NTRK3: variants seen among roughly 807,000 people sequenced by gnomAD.
NTRK3 encodes the protein neurotrophic receptor tyrosine kinase 3, also known as NT-3 growth factor receptor.
Under a neutral mutation model 91.7 loss-of-function variants are expected in NTRK3, and 24 were observed. That is an observed-to-expected ratio of 0.26 (90% confidence interval 0.19 to 0.37). NTRK3 has a LOEUF of 0.37. Among genes scored for constraint, NTRK3 ranks in the 10% least tolerant of loss-of-function variants. NTRK3 has a pLI of 1.00. For missense variants in NTRK3, 880 were observed against 1,068.9 expected (o/e 0.82, Z 2.46); for synonymous variants, 483 against 404.0 (o/e 1.20, Z -2.34).
At chr15:88,223,171 G>A (rs1278026603) in intron 3 of NTRK3, among the ~76,000 whole-genome samples, 1 of 152,236 alleles carries the variant, frequency 6.6e-6, no homozygotes, top group Non-Finnish European at 1.5e-5. Flanking sequence ...AACACCCCCA[G>A]CACACGGCCC....
At chr15:87,872,364 G>C in exon 19 of NTRK3, 1 of 224,444 alleles carries the variant, frequency 4.5e-6, no homozygotes, top group Non-Finnish European at 8.9e-6. Context: ...TTCCTGAATA[G>C]AAAAGGACTT....
intron 3 of NTRK3, among the ~76,000 whole-genome samples, chr15:88,242,096 C>T (rs1432869278): frequency 6.6e-6 from 1 of 152,192 alleles, no homozygotes; most frequent in Non-Finnish European, 1.5e-5. Flanking sequence ...GCCACCTGCG[C>T]ATGGACACAC....
intron 14 of NTRK3, among the ~76,000 whole-genome samples, chr15:88,031,763 G>A (rs764936615): frequency 6.6e-6 from 1 of 152,126 alleles, no homozygotes; most frequent in Non-Finnish European, 1.5e-5. Context: ...TGCCCACTCT[G>A]CTGTAGGATG....
chr15:88,045,897 G>T (rs982881307), intron 13 of NTRK3, among the ~76,000 whole-genome samples: 2 of 152,188 alleles, frequency 1.3e-5, no homozygotes, highest in Admixed American at 6.5e-5. Flanking sequence ...GATCAAGGGC[G>T]CACTCTATTC....
At chr15:88,031,509 T>C (rs746988821) in intron 14 of NTRK3, among the ~76,000 whole-genome samples, 1 of 152,202 alleles carries the variant, frequency 6.6e-6, no homozygotes, top group Admixed American at 6.5e-5. Flanking sequence ...GTGCTTCCCA[T>C]GGTTTATCTG....
intron 5 of NTRK3, 62 bp downstream of exon 5, chr15:88,183,356 G>A (rs998204448): frequency 2.0e-5 from 32 of 1,568,816 alleles, no homozygotes; most frequent in Admixed American, 5.0e-5. Flanking sequence ...CAGGTCTCCG[G>A]TTTCACTGCC....
chr15:88,004,308 T>G (rs2076332433), intron 14 of NTRK3, among the ~76,000 whole-genome samples: 1 of 152,090 alleles, frequency 6.6e-6, no homozygotes, highest in Non-Finnish European at 1.5e-5. Context: ...AAAACAAAAG[T>G]TATAAACTAT....
At chr15:88,005,141 C>T (rs1190820078) in intron 14 of NTRK3, among the ~76,000 whole-genome samples, 2 of 152,104 alleles carry the variant, frequency 1.3e-5, no homozygotes, top group Admixed American at 6.5e-5. Flanking sequence ...TCACTGGGAT[C>T]CATCCTCATT....
intron 17 of NTRK3, among the ~76,000 whole-genome samples, chr15:87,891,506 T>A (rs566868931): frequency 1.3e-5 from 2 of 152,364 alleles, no homozygotes; most frequent in African/African-American, 4.8e-5. Flanking sequence ...CACCCTGTTC[T>A]CTTCCTCCTA....
intron 14 of NTRK3, among the ~76,000 whole-genome samples, chr15:88,013,429 A>G (rs964071077): frequency 6.6e-5 from 10 of 152,238 alleles, no homozygotes; most frequent in African/African-American, 2.4e-4. Flanking sequence ...GTGATGCTCT[A>G]TCAACCAATT....
intron 3 of NTRK3, among the ~76,000 whole-genome samples, chr15:88,187,022 G>A (rs1400368691): frequency 6.6e-6 from 1 of 152,162 alleles, no homozygotes; most frequent in African/African-American, 2.4e-5. Flanking sequence ...TGATAAAAAA[G>A]AAAACCCCTT....
At chr15:87,920,990 A>G (rs2067824741) in intron 17 of NTRK3, among the ~76,000 whole-genome samples, 1 of 152,162 alleles carries the variant, frequency 6.6e-6, no homozygotes, top group East Asian at 1.9e-4. Flanking sequence ...GTCACTGTTA[A>G]TTTCTTATTT....
intron 17 of NTRK3, among the ~76,000 whole-genome samples, chr15:87,900,814 CCCCT>C (rs1165322005): frequency 6.6e-6 from 1 of 151,982 alleles, no homozygotes; most frequent in African/African-American, 2.4e-5. Context: ...TCCTGGCTCA[CCCCT>C]GGCCTTCTGT....
chr15:88,038,286 A>G (rs1039768591), intron 13 of NTRK3, among the ~76,000 whole-genome samples: 4 of 152,202 alleles, frequency 2.6e-5, no homozygotes, highest in Non-Finnish European at 5.9e-5. Context: ...GCATCGCACC[A>G]TCAGACTCTT....
intron 13 of NTRK3, among the ~76,000 whole-genome samples, chr15:88,048,240 G>A (rs548542341): frequency 6.6e-6 from 1 of 152,186 alleles, no homozygotes; most frequent in African/African-American, 2.4e-5. Flanking sequence ...TAAACCACTT[G>A]TCCTCTGGCT....
Position 88,243,847 on chromosome 15 carries a change from TG to T in NTRK3, c.248+12058del, listed in dbSNP as rs2052591428. On this transcript the variant is annotated intron_variant, in intron 3 of 18. Coordinates refer to ENST00000394480, the Ensembl canonical transcript of NTRK3. This position sits in a 1 kb window ranked among gnomAD's most constrained non-coding sequence, Gnocchi z 4.8. ...CAGTTGCCCATGTGGTTTCTCCAGT[TG>T]TGACTTCGTACTGTGGGCCCCAGCA... 6.6e-6 allele frequency among the ~76,000 whole-genome samples: 1 copy of T among 152,172 alleles called. No individual in the cohort carries two copies. Among genetic ancestry groups the T allele is most frequent in the African/African-American group, 2.4e-5 (1 of 41,432 alleles).
At chr15:87,936,704 C>A (rs2069316410) in intron 15 of NTRK3, among the ~76,000 whole-genome samples, 1 of 152,024 alleles carries the variant, frequency 6.6e-6, no homozygotes, top group Non-Finnish European at 1.5e-5. Flanking sequence ...ACATGCACAC[C>A]TATCAACCTC....
chr15:87,912,931 A>AAATAT (rs1484111389), intron 17 of NTRK3, among the ~76,000 whole-genome samples: 2 of 36,500 alleles, frequency 5.5e-5, no homozygotes, highest in African/African-American at 1.4e-4. Flanking sequence ...AGTAAAAAAA[A>AAATAT]ATATATATAT....
chr15:87,887,439 G>T (rs996226223), intron 17 of NTRK3, among the ~76,000 whole-genome samples: 1 of 152,182 alleles, frequency 6.6e-6, no homozygotes, highest in African/African-American at 2.4e-5. Context: ...TAAGAGTGAA[G>T]CAACAGCCTG....
Sources: gnomAD v4.1 joint callset for allele counts (sites outside exome capture counted in the v4.1 genomes callset) on GRCh38, gnomAD v4.1.1 for gene constraint, Gnocchi (gnomAD v3.1) non-coding constraint, MANE v1.5 for transcripts, NCBI Gene and HGNC (gene_info 2026-07-23, HGNC 2026-07-21) for gene names.